The following SPOCK1 variants were observed in gnomAD, a reference collection of about 807,000 sequenced individuals.
The protein encoded by SPOCK1 is SPARC (osteonectin), cwcv and kazal like domains proteoglycan 1.
SPOCK1 carries 23 observed loss-of-function variants against 55.3 expected under a neutral mutation model. That is an observed-to-expected ratio of 0.42 (90% CI 0.30 to 0.59). SPOCK1 has a LOEUF of 0.59. SPOCK1 is among the 20% of genes least tolerant of loss of function. The probability of loss-of-function intolerance (pLI) is 0.22; values close to 1 mark genes in which losing one functional copy is unlikely to be tolerated. For missense variants in SPOCK1, 499 were observed against 552.5 expected (o/e 0.90, Z 0.97); for synonymous variants, 226 against 221.0 (o/e 1.02, Z -0.20).
At chr5:137,287,416 G>A (rs1757291035) in intron 2 of SPOCK1, among the ~76,000 whole-genome samples, 1 of 152,306 alleles carries the variant, frequency 6.6e-6, no homozygotes, top group African/African-American at 2.4e-5. Flanking sequence ...CAGTGACAAT[G>A]CTGGCAAAGG....
At chr5:137,468,968 C>T (rs1445285018) in intron 2 of SPOCK1, among the ~76,000 whole-genome samples, 4 of 152,102 alleles carry the variant, frequency 2.6e-5, no homozygotes, top group Non-Finnish European at 5.9e-5. Flanking sequence ...GAATGATGGG[C>T]CTACGGAAAA....
intron 5 of SPOCK1, among the ~76,000 whole-genome samples, chr5:137,090,406 CCTCCCTCTGCAGATCACAGGCAT>C (rs1398192094): frequency 2.0e-5 from 3 of 152,168 alleles, no homozygotes; most frequent in Non-Finnish European, 2.9e-5. Context: ...TCCAGGCCTT[CCTCCCTCTGCAGATCACAGGCAT>C]CTGGCACACA....
At chr5:137,448,339 G>C (rs1477480023) in intron 2 of SPOCK1, among the ~76,000 whole-genome samples, 1 of 152,126 alleles carries the variant, frequency 6.6e-6, no homozygotes, top group Non-Finnish European at 1.5e-5. Context: ...GTACTAGAGA[G>C]GGCACACAAT....
At chr5:137,333,239 A>AATAC (rs1758219608) in intron 2 of SPOCK1, among the ~76,000 whole-genome samples, 1 of 152,238 alleles carries the variant, frequency 6.6e-6, no homozygotes, top group African/African-American at 2.4e-5. Flanking sequence ...AACAGCTAGA[A>AATAC]ATACATGTTA....
At chr5:137,090,487 C>T (rs1006787424) in intron 5 of SPOCK1, among the ~76,000 whole-genome samples, 2 of 152,206 alleles carry the variant, frequency 1.3e-5, no homozygotes, top group African/African-American at 4.8e-5. Flanking sequence ...GAGTGGTGCT[C>T]ACTGCCCAGC....
At chr5:137,200,781 A>C (rs1055600277) in intron 3 of SPOCK1, among the ~76,000 whole-genome samples, 1 of 152,046 alleles carries the variant, frequency 6.6e-6, no homozygotes, top group Admixed American at 6.5e-5. Flanking sequence ...CCCCTCATGC[A>C]TTAGGTATTT....
intron 2 of SPOCK1, among the ~76,000 whole-genome samples, chr5:137,337,409 G>A (rs1033622051): frequency 1.3e-5 from 2 of 152,204 alleles, no homozygotes; most frequent in Middle Eastern, 3.4e-3. Context: ...CTTCCTATGC[G>A]GCCTTCTCAC....
intron 2 of SPOCK1, among the ~76,000 whole-genome samples, chr5:137,371,276 G>C (rs927652565): frequency 6.6e-6 from 1 of 152,218 alleles, no homozygotes; most frequent in Non-Finnish European, 1.5e-5. Flanking sequence ...GCTAAGTTCT[G>C]CTTCCCTCCA....
At chr5:137,347,886 T>C (rs1286930920) in intron 2 of SPOCK1, among the ~76,000 whole-genome samples, 1 of 152,206 alleles carries the variant, frequency 6.6e-6, no homozygotes, top group East Asian at 1.9e-4. Flanking sequence ...TCACACTATA[T>C]TTGAATAACC....
intron 6 of SPOCK1, among the ~76,000 whole-genome samples, chr5:137,006,175 C>G (rs1751242513): frequency 6.6e-6 from 1 of 152,160 alleles, no homozygotes; most frequent in Non-Finnish European, 1.5e-5. Flanking sequence ...TTAGGATTGT[C>G]TTGGCTATAC....
At chr5:137,454,996 TA>T (rs887798213) in intron 2 of SPOCK1, among the ~76,000 whole-genome samples, 15 of 152,210 alleles carry the variant, frequency 9.9e-5, no homozygotes, top group Admixed American at 9.8e-4. Context: ...TTTTCCAAAG[TA>T]AATGTATCAC....
At position 137,303,519 on chromosome 5, in the gene SPOCK1, T is replaced by C. The variant is rs149694517; in HGVS notation, c.187-36464A>G. On this transcript the variant is annotated intron_variant, in intron 2 of 10. Transcript: ENST00000394945. ...TTTGGACTCATTTTTGCGTTTGCTA[T>C]TAACAAGTAATTACAGCGATTGAGA... Among the ~76,000 whole-genome samples the C allele has an allele frequency of 5.3e-5, 8 of 152,344 alleles. No homozygotes were observed. In the East Asian group the frequency reaches 1.3e-3, roughly 26 times the overall value.
At chr5:137,231,392 C>A (rs1756060754) in intron 3 of SPOCK1, among the ~76,000 whole-genome samples, 1 of 152,156 alleles carries the variant, frequency 6.6e-6, no homozygotes, top group Non-Finnish European at 1.5e-5. Flanking sequence ...TGACCCTGCC[C>A]CCTTGTTCCC....
intron 2 of SPOCK1, among the ~76,000 whole-genome samples, chr5:137,427,863 C>T (rs945371375): frequency 6.7e-6 from 1 of 148,662 alleles, no homozygotes; most frequent in Non-Finnish European, 1.5e-5. Context: ...GAGCCGAGAT[C>T]GCGCCACTGC....
intron 2 of SPOCK1, among the ~76,000 whole-genome samples, chr5:137,419,232 G>T (rs1349447337): frequency 1.3e-5 from 2 of 151,940 alleles, no homozygotes; most frequent in Non-Finnish European, 1.5e-5. Flanking sequence ...AGTCAGGTAG[G>T]GTAATGCCTC....
chr5:137,104,340 C>G (rs948214654), intron 5 of SPOCK1, among the ~76,000 whole-genome samples: 77 of 152,134 alleles, frequency 5.1e-4, no homozygotes, highest in African/African-American at 1.8e-3. Flanking sequence ...TGAGGCCTCC[C>G]CAGAAGCAGA....
At chr5:137,197,193 A>C (rs1272591409) in intron 3 of SPOCK1, among the ~76,000 whole-genome samples, 1 of 152,180 alleles carries the variant, frequency 6.6e-6, no homozygotes. Flanking sequence ...CTGCTCTGGA[A>C]CTCATATGTC....
intron 2 of SPOCK1, among the ~76,000 whole-genome samples, chr5:137,409,880 T>C (rs765381397): frequency 2.6e-5 from 4 of 152,224 alleles, no homozygotes; most frequent in Admixed American, 6.5e-5. Flanking sequence ...AGGGAACCTA[T>C]GGTTGAATGG....
chr5:137,493,446 G>GT (rs1176496202), intron 2 of SPOCK1, among the ~76,000 whole-genome samples: 1 of 152,208 alleles, frequency 6.6e-6, no homozygotes, highest in Non-Finnish European at 1.5e-5. Context: ...TTCTGCTGAA[G>GT]TATCATGGAG....
Sources: gnomAD v4.1 joint callset for allele counts (sites outside exome capture counted in the v4.1 genomes callset) on GRCh38, gnomAD v4.1.1 for gene constraint, MANE v1.5 for transcripts, NCBI Gene and HGNC (gene_info 2026-07-23, HGNC 2026-07-21) for gene names.